YWHAE: variants seen among roughly 807,000 people sequenced by gnomAD.
YWHAE encodes the protein tyrosine 3-monooxygenase/tryptophan 5-monooxygenase activation protein epsilon.
YWHAE carries 4 observed loss-of-function variants against 30.1 expected under a neutral mutation model. That is an observed-to-expected ratio of 0.13 (90% CI 0.07 to 0.30). The LOEUF (loss-of-function observed/expected upper bound fraction) is 0.30. YWHAE is among the 10% of genes least tolerant of loss of function. The pLI, the probability that YWHAE is intolerant of heterozygous loss-of-function variation, is 1.00. For missense variants in YWHAE, 121 were observed against 315.9 expected (o/e 0.38, Z 4.68); for synonymous variants, 118 against 111.8 (o/e 1.06, Z -0.35).
intron 1 of YWHAE, among the ~76,000 whole-genome samples, chr17:1,389,653 C>A (rs2073359632): frequency 6.6e-6 from 1 of 151,052 alleles, no homozygotes; most frequent in Non-Finnish European, 1.5e-5. Context: ...GCCTCAGCCT[C>A]CTGAGCAGCT....
At chr17:1,347,818 G>C (rs1351210684) in intron 5 of YWHAE, 1 of 272,616 alleles carries the variant, frequency 3.7e-6, no homozygotes, top group East Asian at 1.3e-4. Context: ...GTAGGCAGGA[G>C]GAGCAGGCCG....
chr17:1,347,103 G>A (rs1318268232), intron 5 of YWHAE, among the ~76,000 whole-genome samples: 2 of 149,592 alleles, frequency 1.3e-5, no homozygotes, highest in East Asian at 2.0e-4. Context: ...CAAGAGAGGT[G>A]GATCATGAGG....
chr17:1,353,631 C>T (rs1347819018), intron 5 of YWHAE, among the ~76,000 whole-genome samples: 1 of 151,584 alleles, frequency 6.6e-6, no homozygotes, highest in Non-Finnish European at 1.5e-5. Context: ...GTCGTGATAA[C>T]GGGTGCCTGC....
chr17:1,390,711 C>G (rs1224124963), intron 1 of YWHAE, among the ~76,000 whole-genome samples: 1 of 152,216 alleles, frequency 6.6e-6, no homozygotes, highest in Non-Finnish European at 1.5e-5. Flanking sequence ...AGTAATGCAT[C>G]TCCTTCAAAC....
At chr17:1,357,402 CAAAAAAAAAAA>C (rs1195729330) in intron 4 of YWHAE, among the ~76,000 whole-genome samples, 16 of 80,248 alleles carry the variant, frequency 2.0e-4, no homozygotes, top group African/African-American at 6.9e-4. Flanking sequence ...GACTCCGTCT[CAAAAAAAAAAA>C]AAAAAAAATA....
rs1241401752 is a variant in YWHAE, at chr17:1,388,301, G to A, written c.64+11746C>T. Among the ~76,000 whole-genome samples the A allele has an allele frequency of 8.0e-5, 12 of 150,856 alleles. No individual in the cohort carries two copies. The South Asian group carries it at 1.5e-3, about 19-fold the overall frequency. Reference sequence around the variant, plus strand: ...GGAGGCTGAGTTGGGCGGATCGTGAGATCAGGAGATCAAGACCATCCTGGC... The same window carrying A: ...GGAGGCTGAGTTGGGCGGATCGTGAAATCAGGAGATCAAGACCATCCTGGC... On this transcript the variant is annotated intron_variant, in intron 1 of 5. Coordinates refer to ENST00000264335, the MANE Select transcript of YWHAE (RefSeq NM_006761.5).
chr17:1,365,097 A>T lies in YWHAE; in HGVS notation c.65-39T>A, dbSNP rs773499227. The T allele has an allele frequency of 8.6e-5, 137 of 1,591,222 alleles. 1 individual carries two copies. Among genetic ancestry groups the T allele is most frequent in the Non-Finnish European group, 1.4e-5 (16 of 1,169,966 alleles). On this transcript the variant is annotated intron_variant, in intron 1 of 5. Transcript: ENST00000264335. ...GGAAAAGTCAGACCTTACAAATTTG[A>T]AGTTTTCTTAACATATTCCTTTCAA...
At chr17:1,396,209 C>T (rs779063603) in intron 1 of YWHAE, among the ~76,000 whole-genome samples, 5 of 151,952 alleles carry the variant, frequency 3.3e-5, no homozygotes, top group Non-Finnish European at 5.9e-5. Flanking sequence ...CACCTGAGGT[C>T]GGGAGTTCGA....
intron 4 of YWHAE, among the ~76,000 whole-genome samples, chr17:1,359,886 G>GGAGAGGGAGACGGGGAGA (rs1489640255): frequency 2.2e-5 from 3 of 133,716 alleles, no homozygotes; most frequent in Non-Finnish European, 3.2e-5. Context: ...CAGGCGAGAG[G>GGAGAGGGAGACGGGGAGA]GAGAGGGAGA....
At chr17:1,388,514 ACT>A (rs542518477) in intron 1 of YWHAE, among the ~76,000 whole-genome samples, 89 of 146,100 alleles carry the variant, frequency 6.1e-4, no homozygotes, top group African/African-American at 2.2e-3. Flanking sequence ...ACAGAGCAAG[ACT>A]CTGTCTCAAA....
intron 5 of YWHAE, among the ~76,000 whole-genome samples, chr17:1,346,769 G>T (rs1007374013): frequency 6.6e-6 from 1 of 151,846 alleles, no homozygotes; most frequent in African/African-American, 2.4e-5. Context: ...GGCGGATCAC[G>T]AGGTCAGAAG....
At chr17:1,376,928 C>CTTTT (rs150653022) in intron 1 of YWHAE, among the ~76,000 whole-genome samples, 1 of 142,210 alleles carries the variant, frequency 7.0e-6, no homozygotes, top group Non-Finnish European at 1.5e-5. Context: ...ATAACCCTAA[C>CTTTT]TTTTTTTTTT....
intron 1 of YWHAE, among the ~76,000 whole-genome samples, chr17:1,395,104 AC>A (rs1440570348): frequency 1.3e-5 from 2 of 151,892 alleles, no homozygotes; most frequent in Non-Finnish European, 2.9e-5. Flanking sequence ...AAAAAAAAAA[AC>A]AATCAGGCCG....
In YWHAE at chr17:1,353,452, A is replaced by AG. The variant is rs1273344688; in HGVS notation, c.715+758_715+759insC. On this transcript the variant is annotated intron_variant, in intron 5 of 5. Transcript: ENST00000264335. ...GACTCCATCTCAAAAAAAAAAAAAG[A>AG]AAAGAAAAGAAAAGAAAAGAATAAA... Among the ~76,000 whole-genome samples the AG allele has an allele frequency of 3.9e-3, 413 of 105,860 alleles. 6 individuals are homozygous for AG. The highest frequency in any genetic ancestry group is 0.011 in the African/African-American group (384 of 34,164). 69.4% of individuals were successfully genotyped at this position (105,860 alleles called of 152,430 possible).
chr17:1,359,150 AG>A (rs1208875558), intron 4 of YWHAE, among the ~76,000 whole-genome samples: 7 of 151,860 alleles, frequency 4.6e-5, no homozygotes, highest in African/African-American at 1.7e-4. Flanking sequence ...AAAAGAAAAA[AG>A]AAAAAAAAAA....
intron 1 of YWHAE, among the ~76,000 whole-genome samples, chr17:1,394,342 G>A (rs1348908559): frequency 6.7e-6 from 1 of 148,554 alleles, no homozygotes; most frequent in African/African-American, 2.5e-5. Context: ...GCCAGAAGCA[G>A]TGACTCACAC....
At chr17:1,392,625 G>A (rs1005752713) in intron 1 of YWHAE, among the ~76,000 whole-genome samples, 6 of 151,664 alleles carry the variant, frequency 4.0e-5, no homozygotes, top group Non-Finnish European at 4.4e-5. Flanking sequence ...TGAGGCAGGC[G>A]GACTACCTGA....
chr17:1,352,807 G>T (rs564822591), intron 5 of YWHAE, among the ~76,000 whole-genome samples: 76 of 152,244 alleles, frequency 5.0e-4, no homozygotes, highest in African/African-American at 1.8e-3. Flanking sequence ...TTATAGGCAT[G>T]AGCCACCGCG....
chr17:1,399,505 C>T (rs4790360), intron 1 of YWHAE: 102,907 of 156,210 alleles, frequency 0.66, 36,179 homozygotes, highest in African/African-American at 0.91. Flanking sequence ...TCTCAAAGGT[C>T]CTCCTTTGTG....
Sources: allele counts gnomAD v4.1 joint callset (sites outside exome capture counted in the v4.1 genomes callset), GRCh38; gene constraint gnomAD v4.1.1; transcripts MANE v1.5; gene names NCBI Gene and HGNC (gene_info 2026-07-23, HGNC 2026-07-21).